COL4A4: variants seen among roughly 807,000 people sequenced by gnomAD.
COL4A4 encodes collagen type IV alpha 4 chain, also known as collagen alpha-4(IV) chain.
Under a neutral mutation model 192.9 loss-of-function variants are expected in COL4A4, and 105 were observed. The observed-to-expected ratio is 0.54, with a 90% CI of 0.46 to 0.64. COL4A4 has a LOEUF of 0.64. Ranked by LOEUF, COL4A4 falls within the 30% of genes least tolerant of loss-of-function variation. The pLI is 0.00. For synonymous variants in COL4A4, 762 were observed against 769.9 expected, an observed-to-expected ratio of 0.99 and a Z score of 0.17; for missense variants, 1,967 against 2,169.3, an observed-to-expected ratio of 0.91 and a Z score of 1.85.
chr2:227,045,893 TTTAGATAG>T (rs1559488766), intron 35 of COL4A4, among the ~76,000 whole-genome samples: 2,761 of 103,706 alleles, frequency 0.027, 489 homozygotes, highest in South Asian at 0.048. Context: ...TGTATATATA[TTTAGATAG>T]TATATATATG....
At chr2:227,155,134 G>A (rs565218808) in intron 1 of COL4A4, among the ~76,000 whole-genome samples, 8 of 152,238 alleles carry the variant, frequency 5.3e-5, no homozygotes, top group Admixed American at 2.0e-4. Context: ...AGAATGACTC[G>A]GAGTTCCAAC....
At chr2:227,036,743 G>A in intron 37 of COL4A4, among the ~76,000 whole-genome samples, 1 of 152,070 alleles carries the variant, frequency 6.6e-6, no homozygotes, top group East Asian at 1.9e-4. Flanking sequence ...AGAACAAACA[G>A]GCAATTACAT....
the COL4A4 span, among the ~76,000 whole-genome samples, chr2:226,982,426 T>C: frequency 3.3e-5 from 5 of 152,254 alleles, no homozygotes; most frequent in Admixed American, 2.0e-4. Flanking sequence ...CCTGTAGTTA[T>C]ATACTAATCA....
chr2:227,119,774 T>G lies in COL4A4; in HGVS notation c.372+121A>C. 3 of 401,660 alleles carry G rather than the reference T, an allele frequency of 7.5e-6. No individual in the cohort carries two copies. The Admixed American group carries it at 1.2e-4, about 17-fold the overall frequency. 24.9% of individuals were successfully genotyped at this position (401,660 alleles called of 1,614,324 possible). ...ATATATAGCAAATATTTGCTATATA[T>G]AATATATATATTGTGGTTTCTATAA... On this transcript the variant is annotated intron_variant, in intron 6 of 47. Coordinates refer to ENST00000396625, the MANE Select transcript of COL4A4 (RefSeq NM_000092.5).
Position 227,140,227 on chromosome 2 carries a change from T to C in COL4A4, c.126A>G (p.Lys42=). The C allele has an allele frequency of 1.9e-6, 3 of 1,614,086 alleles. No homozygotes were observed. The highest frequency in any genetic ancestry group is 2.5e-6 in the Non-Finnish European group (3 of 1,179,946). Residue 42 remains lysine (K), a synonymous_variant, in exon 4 of 48, where the codon AAA becomes AAG. Transcript: ENST00000396625. ...CTCTTCCTCCACAAGGACCAATGTA[T>C]TTCTTTCCACTCTGGAAAGTGAAGC... ...SVQYVYGSGK[K]YIGPCGGRDC...
chr2:227,086,870 C>A (rs931008919), intron 22 of COL4A4, among the ~76,000 whole-genome samples: 2 of 152,222 alleles, frequency 1.3e-5, no homozygotes, highest in African/African-American at 4.8e-5. Context: ...CACATACATG[C>A]ATTAAGGACC....
intron 1 of COL4A4, among the ~76,000 whole-genome samples, chr2:227,151,027 G>T (rs2063906929): frequency 6.6e-6 from 1 of 151,696 alleles, no homozygotes; most frequent in Admixed American, 6.6e-5. Flanking sequence ...TATTTTAGAT[G>T]CATCCAATAA....
At chr2:227,118,788 G>A (rs1419782787) in intron 6 of COL4A4, 27 bp from the exon 7 acceptor site, 1 of 1,493,294 alleles carries the variant, frequency 6.7e-7, no homozygotes, top group East Asian at 2.3e-5. Flanking sequence ...TATAAGTGAA[G>A]CATTTTTGCG....
intron 13 of COL4A4, 87 bp from the exon 14 acceptor site, chr2:227,103,284 A>G: frequency 9.1e-7 from 1 of 1,100,046 alleles, no homozygotes; most frequent in Non-Finnish European, 1.4e-6. Context: ...CTCTTTTTAC[A>G]ATCTGTTTCA....
chr2:227,159,490 A>C (rs945869957), intron 1 of COL4A4, among the ~76,000 whole-genome samples: 8 of 152,196 alleles, frequency 5.3e-5, no homozygotes, highest in African/African-American at 1.7e-4. Context: ...TACCTCAAGA[A>C]ATATACTTTT....
chr2:227,023,982 G>C (rs1028983949), intron 43 of COL4A4, among the ~76,000 whole-genome samples: 3 of 149,930 alleles, frequency 2.0e-5, no homozygotes, highest in African/African-American at 7.4e-5. Flanking sequence ...CTCCAGCCTG[G>C]TGACAGAGCA....
intron 4 of COL4A4, among the ~76,000 whole-genome samples, chr2:227,125,147 C>T (rs1422014655): frequency 6.6e-6 from 1 of 152,108 alleles, no homozygotes; most frequent in Non-Finnish European, 1.5e-5. Flanking sequence ...AATAATAAAA[C>T]TCCATTTAGT....
chr2:227,058,836 C>T (rs940923418), intron 28 of COL4A4, among the ~76,000 whole-genome samples: 2 of 152,118 alleles, frequency 1.3e-5, no homozygotes, highest in Admixed American at 6.5e-5. Flanking sequence ...CACTGGGGAT[C>T]CTGAAGGATC....
chr2:227,007,690 CTTAGA>C (rs1962462661), intron 47 of COL4A4, 102 bp from the exon 48 acceptor site: 1 of 1,466,104 alleles, frequency 6.8e-7, no homozygotes, highest in South Asian at 1.2e-5. Context: ...AACATTTTTC[CTTAGA>C]TTATTCCATA....
Position 227,089,863 on chromosome 2 carries a change from C to A in COL4A4, c.1459+5G>T. Reference sequence around the variant, plus strand: ...CTAGAAATTCTACCTTTGGTGCCTACTTGCCTTTTTCTCCTTTTGGGCCTC... The same window carrying A: ...CTAGAAATTCTACCTTTGGTGCCTAATTGCCTTTTTCTCCTTTTGGGCCTC... On this transcript the variant is annotated splice_donor_5th_base_variant and intron_variant, in intron 21 of 47. Transcript: ENST00000396625. 1.2e-6 allele frequency: 2 copies of A among 1,610,612 alleles called. No homozygotes were observed. The highest frequency in any genetic ancestry group is 1.7e-6 in the Non-Finnish European group (2 of 1,176,988).
At chr2:227,114,749 A>T in intron 7 of COL4A4, 53 bp from the exon 8 acceptor site, 1 of 1,374,176 alleles carries the variant, frequency 7.3e-7, no homozygotes, top group South Asian at 1.2e-5. Flanking sequence ...TTACCATTTC[A>T]GTATTTTCTT....
intron 44 of COL4A4, among the ~76,000 whole-genome samples, chr2:227,018,178 TTCTCCACACTGGAATTAACC>T (rs1237633297): frequency 3.3e-5 from 5 of 152,194 alleles, no homozygotes; most frequent in African/African-American, 7.2e-5. Context: ...TGTCCTGCAG[TTCTCCACACTGGAATTAACC>T]TCTCCCAGTA....
intron 8 of COL4A4, among the ~76,000 whole-genome samples, chr2:227,112,496 T>C (rs1474049266): frequency 3.3e-5 from 5 of 152,336 alleles, no homozygotes; most frequent in African/African-American, 1.2e-4. Flanking sequence ...CTCGAACTCC[T>C]GACCTCAGGT....
At chr2:227,138,244 A>T (rs983125062) in intron 4 of COL4A4, among the ~76,000 whole-genome samples, 2 of 152,094 alleles carry the variant, frequency 1.3e-5, no homozygotes, top group African/African-American at 4.8e-5. Flanking sequence ...CTTGAGCCCA[A>T]GAGTTTGAGG....
Sources: gnomAD v4.1 joint callset for allele counts (sites outside exome capture counted in the v4.1 genomes callset) on GRCh38, gnomAD v4.1.1 for gene constraint, MANE v1.5 for transcripts, NCBI Gene and HGNC (gene_info 2026-07-23, HGNC 2026-07-21) for gene names.